AKAP13: variants seen among roughly 807,000 people sequenced by gnomAD.
AKAP13 encodes A-kinase anchoring protein 13.
AKAP13 carries 80 observed loss-of-function variants against 264.5 expected under a neutral mutation model. The ratio of observed to expected loss-of-function variants is 0.30; its 90% confidence interval spans 0.25 to 0.36. AKAP13 has a LOEUF of 0.36. AKAP13 is among the 10% of genes least tolerant of loss of function. The pLI, the probability that AKAP13 is intolerant of heterozygous loss-of-function variation, is 1.00. For missense variants in AKAP13, 3,712 were observed against 3,435.2 expected (o/e 1.08, Z -2.01); for synonymous variants, 1,380 against 1,250.2 (o/e 1.10, Z -2.19).
chr15:85,581,245 C>T lies in AKAP13; in HGVS notation c.3177C>T (p.Cys1059=). Residue 1059 remains cysteine (C), a synonymous_variant, in exon 7 of 37, where the codon TGC becomes TGT. Transcript: ENST00000394518. ...CTGATGGGTCCGATGCTCTTAACTG[C>T]AGTCAGCCTTCTCCTCTGGATGTTG... ...DGSDGSDALN[C]SQPSPLDVGV... is the part of the protein sequence containing the mutation. 1 of 1,614,180 alleles carries T rather than the reference C, an allele frequency of 6.2e-7. No individual in the cohort carries two copies. Among genetic ancestry groups the T allele is most frequent in the Non-Finnish European group, 8.5e-7 (1 of 1,180,028 alleles).
rs559867684 is a variant in AKAP13, at chr15:85,748,398, C to A, written c.*3721C>A. 1 of 152,390 alleles carries A rather than the reference C, an allele frequency of 6.6e-6. No homozygotes were observed. Among genetic ancestry groups the A allele is most frequent in the South Asian group, 2.1e-4 (1 of 4,830 alleles). 9.4% of individuals were successfully genotyped at this position (152,390 alleles called of 1,614,324 possible). ...GTGGATGGAATTGGGGCAGCGGCTG[C>A]TGGAGATCTGTGTGCCTTGCCTTCC... is the stretch of plus-strand genomic sequence containing the variant. On this transcript the variant is annotated 3_prime_UTR_variant, in exon 37 of 37. Transcript: ENST00000394518.
intron 1 of AKAP13, among the ~76,000 whole-genome samples, chr15:85,407,405 ATTTTT>A (rs1169753418): frequency 6.6e-6 from 1 of 151,138 alleles, no homozygotes; most frequent in Non-Finnish European, 1.5e-5. Context: ...TTTTTTTAAA[ATTTTT>A]TTTATTTTTA....
Position 85,655,484 on chromosome 15 carries a change from T to C in AKAP13, c.4442T>C (p.Leu1481Pro). ...TCATCCACCGATGACACGGCTTCAC[T>C]GGACCGACATTCTTCTCATGGCAGT... ...SSSSTDDTAS[L>P]DRHSSHGSDV... The change falls in exon 11 of 37, where the codon CTG becomes CCG. Residue 1481 changes from leucine to proline, a missense_variant. Around this residue, in one of 3 missense-constraint regions of AKAP13, gnomAD observed 2,759 missense variants for 2,411.7 expected, o/e 1.14. Coordinates refer to ENST00000394518, the MANE Select transcript of AKAP13 (RefSeq NM_007200.5). 4 of 1,614,218 alleles carry C rather than the reference T, an allele frequency of 2.5e-6. No homozygotes were observed. Among genetic ancestry groups the C allele is most frequent in the Non-Finnish European group, 3.4e-6 (4 of 1,180,036 alleles).
At chr15:85,443,127 TC>T (rs2073769526) in intron 1 of AKAP13, among the ~76,000 whole-genome samples, 1 of 151,896 alleles carries the variant, frequency 6.6e-6, no homozygotes, top group South Asian at 2.1e-4. Context: ...AAGATAGTTC[TC>T]CCCCCACCCC....
intron 33 of AKAP13, among the ~76,000 whole-genome samples, chr15:85,737,362 C>T (rs1022233772): frequency 1.3e-5 from 2 of 152,152 alleles, no homozygotes; most frequent in Non-Finnish European, 2.9e-5. Flanking sequence ...TTACTGCCAT[C>T]TCTAAAATTA....
At chr15:85,382,130 T>C (rs2070312024) in intron 1 of AKAP13, 1 of 152,258 alleles carries the variant, frequency 6.6e-6, no homozygotes, top group South Asian at 2.1e-4. Context: ...GTTCCCCAGA[T>C]GGAACTAGCT....
chr15:85,588,704 C>G (rs1024194289), intron 8 of AKAP13, among the ~76,000 whole-genome samples: 2 of 152,190 alleles, frequency 1.3e-5, no homozygotes, highest in African/African-American at 4.8e-5. Flanking sequence ...GAATATTCCT[C>G]TGGTTGGTCA....
At chr15:85,646,284 G>A (rs1245235249) in intron 10 of AKAP13, among the ~76,000 whole-genome samples, 1 of 152,152 alleles carries the variant, frequency 6.6e-6, no homozygotes. Context: ...AGACCAGCCT[G>A]GCCAACATGG....
chr15:85,394,433 T>C (rs1415985288), intron 1 of AKAP13, among the ~76,000 whole-genome samples: 2 of 152,228 alleles, frequency 1.3e-5, no homozygotes, highest in Non-Finnish European at 2.9e-5. Context: ...TTGTCCTTGA[T>C]TCATCCCTTT....
At chr15:85,434,331 A>G (rs964203903) in intron 1 of AKAP13, among the ~76,000 whole-genome samples, 2,061 of 152,070 alleles carry the variant, frequency 0.014, 51 homozygotes, top group African/African-American at 0.047. Context: ...CGCCCACGGA[A>G]TCTCGCTGAC....
At chr15:85,454,432 C>T (rs1381839390) in intron 1 of AKAP13, among the ~76,000 whole-genome samples, 1 of 152,120 alleles carries the variant, frequency 6.6e-6, no homozygotes, top group African/African-American at 2.4e-5. Flanking sequence ...GAACCCCTGG[C>T]TCCGTGTTGC....
intron 9 of AKAP13, among the ~76,000 whole-genome samples, chr15:85,645,349 G>A (rs1334708789): frequency 6.6e-6 from 1 of 152,042 alleles, no homozygotes; most frequent in African/African-American, 2.4e-5. Context: ...GCTATTTATG[G>A]TAAGAAAAGT....
intron 9 of AKAP13, among the ~76,000 whole-genome samples, chr15:85,644,109 C>T (rs2082433803): frequency 6.6e-6 from 1 of 152,136 alleles, no homozygotes; most frequent in Non-Finnish European, 1.5e-5. Context: ...CCTAGATAGC[C>T]AGGTTTCTTG....
At chr15:85,657,159 ATAG>A (rs1487061128) in intron 11 of AKAP13, among the ~76,000 whole-genome samples, 1 of 63,946 alleles carries the variant, frequency 1.6e-5, no homozygotes, top group Admixed American at 1.3e-4. Context: ...AATAATAATA[ATAG>A]TAGTAATAAT....
intron 5 of AKAP13, among the ~76,000 whole-genome samples, chr15:85,559,439 T>G (rs1435108896): frequency 6.6e-6 from 1 of 152,122 alleles, no homozygotes; most frequent in Non-Finnish European, 1.5e-5. Flanking sequence ...GTTGAGGGGA[T>G]GATTCAAGCG....
intron 13 of AKAP13, among the ~76,000 whole-genome samples, chr15:85,667,702 A>G (rs978548535): frequency 8.5e-5 from 13 of 152,222 alleles, no homozygotes; most frequent in African/African-American, 3.1e-4. Context: ...GTAAGTGGCT[A>G]TTAGCTGAAC....
At chr15:85,694,160 T>C (rs776421292) in intron 17 of AKAP13, among the ~76,000 whole-genome samples, 4 of 152,248 alleles carry the variant, frequency 2.6e-5, no homozygotes, top group Non-Finnish European at 5.9e-5. Context: ...TCTATTACTT[T>C]GGTATATGCT....
chr15:85,481,819 T>C (rs1300501068), intron 1 of AKAP13, among the ~76,000 whole-genome samples: 5 of 152,256 alleles, frequency 3.3e-5, no homozygotes, highest in South Asian at 4.1e-4. Flanking sequence ...GAAAGCAGCC[T>C]CAGTGAACTT....
chr15:85,693,201 G>T, intron 16 of AKAP13, 76 bp from the exon 17 acceptor site: 1 of 1,436,250 alleles, frequency 7.0e-7, no homozygotes, highest in East Asian at 2.7e-5. Flanking sequence ...TTAACCACAT[G>T]CCATCTGGGT....
Sources: allele counts gnomAD v4.1 joint callset (sites outside exome capture counted in the v4.1 genomes callset), GRCh38; gene constraint gnomAD v4.1.1; regional missense constraint gnomAD v4.1.1; transcripts MANE v1.5; gene names NCBI Gene and HGNC (gene_info 2026-07-23, HGNC 2026-07-21).